The following FAT3 variants were observed in gnomAD, a reference collection of about 807,000 sequenced individuals.
FAT3 encodes FAT atypical cadherin 3.
FAT3 carries 95 observed loss-of-function variants against 310.2 expected under a neutral mutation model. The observed-to-expected ratio is 0.31, with a 90% confidence interval of 0.26 to 0.36. The LOEUF (loss-of-function observed/expected upper bound fraction) is 0.36. Among genes scored for constraint, FAT3 ranks in the 10% least tolerant of loss-of-function variants. The pLI, the probability that FAT3 is intolerant of heterozygous loss-of-function variation, is 1.00. For missense variants in FAT3, 5,408 were observed against 5,715.6 expected (o/e 0.95, Z 1.74); for synonymous variants, 2,314 against 2,192.9 (o/e 1.06, Z -1.54).
chr11:92,382,513 C>A (rs1949518918), intron 2 of FAT3, among the ~76,000 whole-genome samples: 1 of 152,160 alleles, frequency 6.6e-6, no homozygotes, highest in South Asian at 2.1e-4. Context: ...TGAGATCCTG[C>A]CTCGTAAGAG....
chr11:92,691,591 G>C (rs749653141), intron 3 of FAT3, among the ~76,000 whole-genome samples: 4 of 152,022 alleles, frequency 2.6e-5, no homozygotes, highest in Non-Finnish European at 4.4e-5. Context: ...ATGTTACCCA[G>C]GCTGGTCTCA....
chr11:92,472,978 T>C lies in FAT3; in HGVS notation c.3293-51656T>C, dbSNP rs187606416. Among the ~76,000 whole-genome samples, 6 of 152,324 alleles carry C rather than the reference T, an allele frequency of 3.9e-5. No individual in the cohort carries two copies. In the East Asian group the frequency reaches 1.2e-3, roughly 29 times the overall value. ...GTGACTTCCAGTTTGTTCCTCCACA[T>C]TTTTGGAATTTTCTTCTGCCCTGTA... On this transcript the variant is annotated intron_variant, in intron 2 of 27. Coordinates refer to ENST00000525166, the MANE Select transcript of FAT3 (RefSeq NM_001367949.2).
intron 1 of FAT3, among the ~76,000 whole-genome samples, chr11:92,306,723 T>TTA (rs1312395070): frequency 8.4e-6 from 1 of 119,420 alleles, no homozygotes; most frequent in Non-Finnish European, 1.7e-5. Flanking sequence ...TATTTATATA[T>TTA]TATATATATA....
At chr11:92,635,958 G>A (rs1941751525) in intron 3 of FAT3, among the ~76,000 whole-genome samples, 1 of 151,846 alleles carries the variant, frequency 6.6e-6, no homozygotes, top group African/African-American at 2.4e-5. Flanking sequence ...GTTTTGTTTT[G>A]TTTTGTTTTG....
At chr11:92,446,466 T>C (rs991009676) in intron 2 of FAT3, among the ~76,000 whole-genome samples, 1 of 152,182 alleles carries the variant, frequency 6.6e-6, no homozygotes, top group Non-Finnish European at 1.5e-5. Context: ...ACTTCACAGA[T>C]TGTTTTATTC....
chr11:92,345,357 G>A (rs561305470), intron 1 of FAT3, among the ~76,000 whole-genome samples: 36 of 152,238 alleles, frequency 2.4e-4, no homozygotes, highest in Admixed American at 2.0e-3. Flanking sequence ...ATACACATAA[G>A]TAACTAATCT....
At chr11:92,841,041 CCTG>C (rs1208783452) in intron 18 of FAT3, among the ~76,000 whole-genome samples, 2 of 152,162 alleles carry the variant, frequency 1.3e-5, no homozygotes, top group East Asian at 1.9e-4. Context: ...TCTAAAAACT[CCTG>C]CTGCTTTATG....
chr11:92,324,172 GT>G (rs1215558558), intron 1 of FAT3, among the ~76,000 whole-genome samples: 2 of 152,166 alleles, frequency 1.3e-5, no homozygotes, highest in East Asian at 3.8e-4. Flanking sequence ...CAATAAGGCT[GT>G]TTTGCTTTCT....
chr11:92,289,690 A>T (rs960929523), intron 1 of FAT3, among the ~76,000 whole-genome samples: 1 of 152,120 alleles, frequency 6.6e-6, no homozygotes, highest in Non-Finnish European at 1.5e-5. Flanking sequence ...TAAAAATGTT[A>T]TAGATCACAT....
chr11:92,428,986 G>A (rs1054859326), intron 2 of FAT3, among the ~76,000 whole-genome samples: 5 of 152,220 alleles, frequency 3.3e-5, no homozygotes, highest in African/African-American at 1.2e-4. Flanking sequence ...GGGTGTTAAA[G>A]TCCCCACTAT....
chr11:92,500,633 C>T (rs2135271543), intron 2 of FAT3, among the ~76,000 whole-genome samples: 1 of 152,094 alleles, frequency 6.6e-6, no homozygotes, highest in East Asian at 1.9e-4. Flanking sequence ...TTTTTCAAGT[C>T]AGATGTGACA....
chr11:92,666,566 T>C (rs1193332081), intron 3 of FAT3, among the ~76,000 whole-genome samples: 2 of 151,602 alleles, frequency 1.3e-5, no homozygotes, highest in East Asian at 3.9e-4. Context: ...TTCACCATGT[T>C]AGCCAGGATG....
chr11:92,379,283 C>T (rs1190080687), intron 2 of FAT3, among the ~76,000 whole-genome samples: 2 of 152,262 alleles, frequency 1.3e-5, no homozygotes, highest in Admixed American at 6.5e-5. Flanking sequence ...TCACTTTTCT[C>T]GATCCAAAAT....
chr11:92,346,839 GACATTCTTTCCTTTACCTT>G (rs1565243059), intron 1 of FAT3, among the ~76,000 whole-genome samples: 1 of 152,132 alleles, frequency 6.6e-6, no homozygotes, highest in Non-Finnish European at 1.5e-5. Context: ...GTAAAGAAAG[GACATTCTTTCCTTTACCTT>G]TGATGGGTGT....
At chr11:92,417,508 AG>A (rs1463135449) in intron 2 of FAT3, among the ~76,000 whole-genome samples, 4 of 152,220 alleles carry the variant, frequency 2.6e-5, no homozygotes, top group Non-Finnish European at 4.4e-5. Flanking sequence ...AATATGCTTA[AG>A]GTAAATAATA....
rs1565676892 is a variant in FAT3 at position 92,883,013 on chromosome 11, G to A, written c.12557G>A (p.Arg4186His). 2 of 1,613,880 alleles carry A rather than the reference G, an allele frequency of 1.2e-6. No homozygotes were observed. Among genetic ancestry groups the A allele is most frequent in the African/African-American group, 2.7e-5 (2 of 75,054 alleles). Residue 4186 changes from arginine to histidine, a missense_variant, in exon 24 of 28, where the codon CGC (arginine) becomes CAC (histidine). Arg to His is a conservative substitution (Grantham distance 29, BLOSUM62 0). This residue lies in a region of FAT3 where 649 missense variants were observed against 666.2 expected (regional missense o/e 0.97). Coordinates refer to ENST00000525166, the MANE Select transcript of FAT3 (RefSeq NM_001367949.2). The surrounding 1 kb of genome is among the most constrained non-coding windows in gnomAD (Gnocchi z 4.2). ...RKKVFRKNYS[R>H]NNITLVQDPA... Reference sequence around the variant, plus strand: ...AAGGTCTTCCGCAAGAACTACTCCCGCAACAACATCACGCTAGTGCAGGAC... The same window carrying A: ...AAGGTCTTCCGCAAGAACTACTCCCACAACAACATCACGCTAGTGCAGGAC...
intron 3 of FAT3, among the ~76,000 whole-genome samples, chr11:92,576,295 T>A (rs1938482287): frequency 6.6e-6 from 1 of 152,158 alleles, no homozygotes; most frequent in Non-Finnish European, 1.5e-5. Flanking sequence ...TGGGTTTTAA[T>A]TACTTATTGG....
intron 2 of FAT3, among the ~76,000 whole-genome samples, chr11:92,365,173 G>A (rs1948986729): frequency 6.6e-6 from 1 of 152,162 alleles, no homozygotes; most frequent in Non-Finnish European, 1.5e-5. Context: ...GGGAGGCTGA[G>A]GTGGGAGGAT....
chr11:92,338,850 CTTAA>C (rs777976314), intron 1 of FAT3, among the ~76,000 whole-genome samples: 50 of 152,180 alleles, frequency 3.3e-4, no homozygotes, highest in Admixed American at 5.9e-4. Context: ...GTGATGGATC[CTTAA>C]TTATCTGTTG....
Sources: gnomAD v4.1 joint callset for allele counts (sites outside exome capture counted in the v4.1 genomes callset) on GRCh38, gnomAD v4.1.1 for gene constraint, gnomAD v4.1.1 regional missense constraint, Gnocchi (gnomAD v3.1) non-coding constraint, MANE v1.5 for transcripts, NCBI Gene and HGNC (gene_info 2026-07-23, HGNC 2026-07-21) for gene names.